Variants in SEMA6D observed in about 807,000 individuals in gnomAD.
SEMA6D encodes semaphorin-6D.
Under a neutral mutation model 106.6 loss-of-function variants are expected in SEMA6D, and 35 were observed. The observed-to-expected ratio is 0.33, with a 90% CI of 0.25 to 0.44. The LOEUF (loss-of-function observed/expected upper bound fraction) is 0.44. Among genes scored for constraint, SEMA6D ranks in the 20% least tolerant of loss-of-function variants. The pLI is 1.00. For missense variants in SEMA6D, 1,185 were observed against 1,345.9 expected (o/e 0.88, Z 1.87); for synonymous variants, 499 against 487.7 (o/e 1.02, Z -0.31).
intron 4 of SEMA6D, among the ~76,000 whole-genome samples, chr15:47,663,575 A>G (rs1265885135): frequency 6.6e-6 from 1 of 152,214 alleles, no homozygotes. Context: ...TATACAACTT[A>G]GCATCATAGA....
chr15:47,520,347 G>A (rs921717692), intron 3 of SEMA6D, among the ~76,000 whole-genome samples: 3 of 152,238 alleles, frequency 2.0e-5, no homozygotes, highest in Non-Finnish European at 4.4e-5. Flanking sequence ...TGGGCCAGGG[G>A]CAGAGTGAGG....
Position 47,579,120 on chromosome 15 carries a change from T to A in SEMA6D, c.-86-21745T>A, listed in dbSNP as rs1194709663. On this transcript the variant is annotated intron_variant, in intron 3 of 19. Coordinates refer to the SEMA6D transcript ENST00000558014. ...GAAAGTTACACTCTGTAGGCGTGAG[T>A]TGAGTGTCCAGAAATCTGTATTTTT... 6.7e-5 allele frequency among the ~76,000 whole-genome samples: 10 copies of A among 149,136 alleles called. No homozygotes were observed. The Admixed American group carries it at 6.8e-4, about 10-fold the overall frequency.
intron 2 of SEMA6D, among the ~76,000 whole-genome samples, chr15:47,413,092 T>C (rs1284189863): frequency 6.6e-6 from 1 of 152,188 alleles, no homozygotes; most frequent in Non-Finnish European, 1.5e-5. Flanking sequence ...AAGTTCATTT[T>C]GAAAAGGGAA....
intron 1 of SEMA6D, among the ~76,000 whole-genome samples, chr15:47,737,611 A>G (rs527909618): frequency 2.6e-5 from 4 of 151,800 alleles, no homozygotes; most frequent in Non-Finnish European, 5.9e-5. Flanking sequence ...ACTGGTTTTC[A>G]TTATTATTAT....
intron 1 of SEMA6D, among the ~76,000 whole-genome samples, chr15:47,376,549 C>G (rs776617485): frequency 1.3e-5 from 2 of 152,204 alleles, no homozygotes; most frequent in African/African-American, 2.4e-5. Flanking sequence ...CCTAAAATTG[C>G]TACTGTGAGA....
At chr15:47,235,866 A>G (rs561245256) in intron 1 of SEMA6D, among the ~76,000 whole-genome samples, 1 of 152,108 alleles carries the variant, frequency 6.6e-6, no homozygotes, top group African/African-American at 2.4e-5. Flanking sequence ...AGGTTGGATA[A>G]ATACTGGCCT....
chr15:47,726,939 A>G (rs917948731), intron 1 of SEMA6D, among the ~76,000 whole-genome samples: 1 of 152,296 alleles, frequency 6.6e-6, no homozygotes, highest in Admixed American at 6.5e-5. Flanking sequence ...CTTGCCACAC[A>G]TTCAGCCAAA....
chr15:47,250,084 A>C (rs2033425830), intron 1 of SEMA6D, among the ~76,000 whole-genome samples: 1 of 152,246 alleles, frequency 6.6e-6, no homozygotes, highest in African/African-American at 2.4e-5. Context: ...GTGGTCTACA[A>C]GGATCATTTC....
At chr15:47,568,556 A>G (rs2046294651) in intron 3 of SEMA6D, among the ~76,000 whole-genome samples, 1 of 152,198 alleles carries the variant, frequency 6.6e-6, no homozygotes, top group African/African-American at 2.4e-5. Flanking sequence ...AGGAAAGCAT[A>G]ACATTATTTA....
At chr15:47,484,442 GA>G (rs34576753) in intron 3 of SEMA6D, among the ~76,000 whole-genome samples, 38,975 of 151,942 alleles carry the variant, frequency 0.26, 5,413 homozygotes, top group Middle Eastern at 0.44. Context: ...TGGTACTTTC[GA>G]AACACCTCCT....
chr15:47,368,515 G>A (rs1013611239), intron 1 of SEMA6D, among the ~76,000 whole-genome samples: 2 of 152,024 alleles, frequency 1.3e-5, no homozygotes, highest in Non-Finnish European at 2.9e-5. Context: ...CTGTCGCCCA[G>A]GCTGGAGTGC....
chr15:47,761,105 C>T (rs540805949), intron 4 of SEMA6D, 53 bp from the exon 5 acceptor site: 9 of 1,611,590 alleles, frequency 5.6e-6, no homozygotes, highest in African/African-American at 1.3e-5. Flanking sequence ...CCCACTGCCT[C>T]CCCAAAAATG....
rs546175409 is a variant in SEMA6D, at chr15:47,736,891, T to A, written c.-55+19199T>A. 3.0e-4 allele frequency among the ~76,000 whole-genome samples: 45 copies of A among 152,316 alleles called. No homozygotes were observed. In the East Asian group the frequency reaches 7.9e-3, roughly 27 times the overall value. ...TTTTCTTACTCCTGTGTGATTGTAATTCTTAACTTTTAATACAAAAGACAA... is the reference window on the plus strand; with the variant it reads ...TTTTCTTACTCCTGTGTGATTGTAAATCTTAACTTTTAATACAAAAGACAA... On this transcript the variant is annotated intron_variant, in intron 1 of 18. Coordinates refer to ENST00000536845, the MANE Select transcript of SEMA6D (RefSeq NM_001358351.3).
At chr15:47,303,944 C>T (rs1038155125) in intron 1 of SEMA6D, among the ~76,000 whole-genome samples, 1 of 152,144 alleles carries the variant, frequency 6.6e-6, no homozygotes, top group Non-Finnish European at 1.5e-5. Context: ...ATCTGCCTCT[C>T]ACCCCTTCAT....
intron 1 of SEMA6D, among the ~76,000 whole-genome samples, chr15:47,394,632 G>A (rs1028426377): frequency 9.2e-5 from 14 of 152,154 alleles, no homozygotes; most frequent in African/African-American, 2.4e-4. Flanking sequence ...CATTTCAGCC[G>A]ATTCCTTTCA....
intron 3 of SEMA6D, among the ~76,000 whole-genome samples, chr15:47,482,935 G>A (rs2043193698): frequency 6.6e-6 from 1 of 152,104 alleles, no homozygotes; most frequent in Non-Finnish European, 1.5e-5. Context: ...TTCGGCATAT[G>A]TTTGGCAGCT....
intron 1 of SEMA6D, among the ~76,000 whole-genome samples, chr15:47,745,805 G>T (rs2147174196): frequency 6.6e-6 from 1 of 152,178 alleles, no homozygotes; most frequent in South Asian, 2.1e-4. Flanking sequence ...TCTATCAAAT[G>T]GAACCTAACT....
At chr15:47,452,826 T>C (rs149609135) in intron 2 of SEMA6D, among the ~76,000 whole-genome samples, 1 of 151,982 alleles carries the variant, frequency 6.6e-6, no homozygotes, top group African/African-American at 2.4e-5. Context: ...ATAACAGATA[T>C]TTCAATTTCT....
intron 3 of SEMA6D, among the ~76,000 whole-genome samples, chr15:47,544,058 C>T (rs1468477324): frequency 2.0e-5 from 3 of 151,962 alleles, no homozygotes; most frequent in Non-Finnish European, 2.9e-5. Flanking sequence ...TTAATTTTGA[C>T]CACGAAAATA....
Sources: gnomAD v4.1 joint callset for allele counts (sites outside exome capture counted in the v4.1 genomes callset) on GRCh38, gnomAD v4.1.1 for gene constraint, MANE v1.5 for transcripts, NCBI Gene and HGNC (gene_info 2026-07-23, HGNC 2026-07-21) for gene names.